LIMK1: variants seen among roughly 807,000 people sequenced by gnomAD.
LIMK1 encodes LIM domain kinase 1, also known as LIM motif-containing protein kinase.
LIMK1 carries 21 observed loss-of-function variants against 77.6 expected under a neutral mutation model. That is an observed-to-expected ratio of 0.27 (90% CI 0.19 to 0.39). LIMK1 has a LOEUF of 0.39. LIMK1 is among the 10% of genes least tolerant of loss of function. The probability of loss-of-function intolerance (pLI) is 1.00; values close to 1 mark genes in which losing one functional copy is unlikely to be tolerated. For missense variants in LIMK1, 696 were observed against 901.6 expected (o/e 0.77, Z 2.92); for synonymous variants, 358 against 370.0 (o/e 0.97, Z 0.37).
At chr7:74,107,223 A>G in intron 8 of LIMK1, 30 bp downstream of exon 8, 1 of 1,573,812 alleles carries the variant, frequency 6.4e-7, no homozygotes, top group Non-Finnish European at 8.6e-7. Context: ...CTCAGGGGAC[A>G]GTCTGGGTGG....
rs367720890 is a variant in LIMK1, at chr7:74,120,666, G to A, written c.1623+28G>A. ...AGGTCCAGGGTTGGGTAGCAGCGGT[G>A]TTGAGGCCTGGGCTCCTCCCCACTC... On this transcript the variant is annotated intron_variant, in intron 14 of 15. Coordinates refer to ENST00000336180, the MANE Select transcript of LIMK1 (RefSeq NM_002314.4). 1.9e-6 allele frequency: 3 copies of A among 1,613,008 alleles called. No individual in the cohort carries two copies. The Admixed American group carries it at 5.0e-5, about 27-fold the overall frequency.
intron 2 of LIMK1, among the ~76,000 whole-genome samples, chr7:74,093,784 CAGCCTCAGT>C (rs1799283059): frequency 6.6e-6 from 1 of 152,202 alleles, no homozygotes; most frequent in Admixed American, 6.5e-5. Flanking sequence ...CAGCTCTGCA[CAGCCTCAGT>C]ACCTGGCGCA....
chr7:74,095,047 C>A lies in LIMK1; in HGVS notation c.153-1575C>A, dbSNP rs372371272. On this transcript the variant is annotated intron_variant, in intron 2 of 15. Transcript: ENST00000336180. ...TGTCCCACCAGCTTACTGCTGAACT[C>A]CCCTCCTCAACCCCAGTTCCCTAGT... Among the ~76,000 whole-genome samples, 8 of 152,328 alleles carry A rather than the reference C, an allele frequency of 5.3e-5. No homozygotes were observed. The East Asian group carries it at 7.7e-4, about 15-fold the overall frequency.
chr7:74,108,348 A>G (rs1367329237), intron 9 of LIMK1, among the ~76,000 whole-genome samples: 2 of 151,788 alleles, frequency 1.3e-5, no homozygotes, highest in Non-Finnish European at 2.9e-5. Flanking sequence ...CAAAAAAAAT[A>G]AAAGTAACTG....
rs370917775 is a variant in LIMK1, at chr7:74,120,874, G to A, written c.1624-18G>A. Reference sequence around the variant, plus strand: ...CTGAGGGCCCCCTGGAGTAACTGCCGGGCCTTGTACTGGACAGATCATCGG... The same window carrying A: ...CTGAGGGCCCCCTGGAGTAACTGCCAGGCCTTGTACTGGACAGATCATCGG... On this transcript the variant is annotated intron_variant, in intron 14 of 15. Coordinates refer to ENST00000336180, the MANE Select transcript of LIMK1 (RefSeq NM_002314.4). 258 of 1,613,878 alleles carry A rather than the reference G, an allele frequency of 1.6e-4. 1 individual carries two copies. The highest frequency in any genetic ancestry group is 8.2e-4 in the Admixed American group (49 of 59,946).
intron 9 of LIMK1, 42 bp downstream of exon 9, chr7:74,107,999 A>G (rs1286921349): frequency 1.4e-5 from 19 of 1,405,052 alleles, no homozygotes; most frequent in Non-Finnish European, 1.6e-5. Flanking sequence ...AGGGACTTCC[A>G]GGTGCTCACC....
intron 12 of LIMK1, among the ~76,000 whole-genome samples, chr7:74,112,835 A>AG (rs1554698870): frequency 6.6e-6 from 1 of 151,708 alleles, no homozygotes; most frequent in East Asian, 1.9e-4. Context: ...AAAAAAAAAA[A>AG]GAGGAGGCTT....
At chr7:74,109,140 G>T in intron 10 of LIMK1, 104 bp downstream of exon 10, 1 of 887,062 alleles carries the variant, frequency 1.1e-6, no homozygotes, top group Non-Finnish European at 1.8e-6. Flanking sequence ...AAGCCACAGG[G>T]GTCTCAAAGG....
At position 74,117,202 on chromosome 7, in the gene LIMK1, A is replaced by G. The variant is rs1799833824; in HGVS notation, c.1567+1244A>G. Among the ~76,000 whole-genome samples the G allele has an allele frequency of 2.0e-5, 3 of 152,146 alleles. No homozygotes were observed. The South Asian group carries it at 6.2e-4, about 32-fold the overall frequency. ...GGCCAATTTTTTAAATTTTTAATAG[A>G]GACGGGGGTATCACTATGTTGCCCA... is the stretch of plus-strand genomic sequence containing the variant. On this transcript the variant is annotated intron_variant, in intron 13 of 15. Coordinates refer to ENST00000336180, the MANE Select transcript of LIMK1 (RefSeq NM_002314.4).
chr7:74,100,251 G>C (rs577819021), intron 5 of LIMK1, among the ~76,000 whole-genome samples: 3 of 152,260 alleles, frequency 2.0e-5, no homozygotes, highest in Non-Finnish European at 4.4e-5. Flanking sequence ...AAATGGGGCA[G>C]GGCTGATAAA....
intron 9 of LIMK1, 115 bp from the exon 10 acceptor site, chr7:74,108,790 G>T (rs1799636703): frequency 1.4e-6 from 2 of 1,480,548 alleles, no homozygotes; most frequent in East Asian, 2.4e-5. Context: ...GGAGCTGGGG[G>T]TTCCGTATCT....
At chr7:74,120,462 TC>T in intron 13 of LIMK1, 120 bp from the exon 14 acceptor site, 1 of 1,025,896 alleles carries the variant, frequency 9.7e-7, no homozygotes, top group Non-Finnish European at 1.5e-6. Flanking sequence ...GTTGCCGGCA[TC>T]TGCCTCCTGG....
chr7:74,121,409 C>T lies in LIMK1; in HGVS notation c.*108C>T, dbSNP rs1221860404. The T allele has an allele frequency of 3.0e-5, 35 of 1,160,336 alleles. No individual in the cohort carries two copies. Among genetic ancestry groups the T allele is most frequent in the Non-Finnish European group, 3.5e-6 (3 of 845,896 alleles). The allele number at this position is 1,160,336 out of a possible 1,614,324, so 71.9% of individuals were successfully genotyped here. On this transcript the variant is annotated 3_prime_UTR_variant, in exon 16 of 16. Transcript: ENST00000336180. Reference sequence around the variant, plus strand: ...TGGGACAGTGGGGACCCAGGCTTCTCCTCAGAGCCAGGCCCTGACTTGCCT... The same window carrying T: ...TGGGACAGTGGGGACCCAGGCTTCTTCTCAGAGCCAGGCCCTGACTTGCCT...
intron 12 of LIMK1, among the ~76,000 whole-genome samples, chr7:74,114,111 G>T (rs1045307776): frequency 6.6e-6 from 1 of 151,992 alleles, no homozygotes; most frequent in Non-Finnish European, 1.5e-5. Flanking sequence ...TTAGCTGGGC[G>T]TGGTGGTGGG....
intron 2 of LIMK1, among the ~76,000 whole-genome samples, chr7:74,087,010 A>G (rs1799148307): frequency 6.6e-6 from 1 of 152,204 alleles, no homozygotes; most frequent in Admixed American, 6.5e-5. Flanking sequence ...GTCACCCAGT[A>G]GGACCATCCT....
intron 10 of LIMK1, chr7:74,109,240 A>G: frequency 1.9e-6 from 1 of 528,144 alleles, no homozygotes. Flanking sequence ...CACACCTGTT[A>G]TTCTGGCACT....
In LIMK1 at chr7:74,107,037, G is replaced by A. The variant is rs573783723; in HGVS notation, c.909G>A (p.Pro303=). ...VLRSCSIDRS[P]GAGSLGSPAS... ...GGAGCTGCAGCATCGACAGGTCTCC[G>A]GGCGCTGGCTCACTGGGCTCCCCGG... is the stretch of plus-strand genomic sequence containing the variant. The change falls in exon 8 of 16, where the codon CCG becomes CCA. Residue 303 remains proline, a synonymous_variant. Transcript: ENST00000336180. The A allele has an allele frequency of 2.0e-5, 32 of 1,599,368 alleles. No individual in the cohort carries two copies. Among genetic ancestry groups the A allele is most frequent in the South Asian group, 3.4e-5 (3 of 88,790 alleles).
At chr7:74,108,806 A>T in intron 9 of LIMK1, 99 bp from the exon 10 acceptor site, 7 of 1,520,344 alleles carry the variant, frequency 4.6e-6, no homozygotes, top group Non-Finnish European at 6.2e-6. Flanking sequence ...TATCTTTGAG[A>T]CCGCCTACAG....
At chr7:74,093,034 C>T in intron 2 of LIMK1, 1 of 1,094,008 alleles carries the variant, frequency 9.1e-7, no homozygotes, top group East Asian at 2.8e-5. Context: ...GCACCAAAGC[C>T]CAGGCAAAGG....
Sources: gnomAD v4.1 joint callset for allele counts (sites outside exome capture counted in the v4.1 genomes callset) on GRCh38, gnomAD v4.1.1 for gene constraint, MANE v1.5 for transcripts, NCBI Gene and HGNC (gene_info 2026-07-23, HGNC 2026-07-21) for gene names.